AKR1D1: variants seen among roughly 807,000 people sequenced by gnomAD.
The protein encoded by AKR1D1 is delta(4)-3-ketosteroid 5-beta-reductase.
Under a neutral mutation model 42.6 loss-of-function variants are expected in AKR1D1, and 32 were observed. That is an observed-to-expected ratio of 0.75 (90% CI 0.57 to 1.01). AKR1D1 has a LOEUF of 1.01. AKR1D1 is among the 50% of genes least tolerant of loss of function. The probability of loss-of-function intolerance (pLI) is 0.00; values close to 1 mark genes in which losing one functional copy is unlikely to be tolerated. For missense variants in AKR1D1, 364 were observed against 402.2 expected (o/e 0.91, Z 0.81); for synonymous variants, 123 against 135.5 (o/e 0.91, Z 0.64).
chr7:138,079,960 G>A (rs1803018725), intron 1 of AKR1D1, among the ~76,000 whole-genome samples: 1 of 152,202 alleles, frequency 6.6e-6, no homozygotes, highest in African/African-American at 2.4e-5. Context: ...GTAAACAATA[G>A]GGCCTGCTGG....
chr7:138,091,698 A>C (rs1316043156), intron 2 of AKR1D1, 70 bp from the exon 3 acceptor site: 9 of 1,255,626 alleles, frequency 7.2e-6, no homozygotes, highest in African/African-American at 1.5e-5. Context: ...TGTTTTACAA[A>C]GAAAAAGGGG....
intron 1 of AKR1D1, among the ~76,000 whole-genome samples, chr7:138,080,139 T>C (rs1314837133): frequency 6.6e-6 from 1 of 152,230 alleles, no homozygotes; most frequent in Non-Finnish European, 1.5e-5. Context: ...AGGGCGCCTT[T>C]TGGGTACTGT....
chr7:138,117,654 C>T lies in AKR1D1; in HGVS notation c.*992C>T, dbSNP rs920947872. The T allele has an allele frequency of 6.6e-6, 1 of 152,124 alleles. No homozygotes were observed. The highest frequency in any genetic ancestry group is 2.4e-5 in the African/African-American group (1 of 41,420). The allele number at this position is 152,124 out of a possible 1,614,324, so 9.4% of individuals were successfully genotyped here. A position where few individuals can be genotyped will look rare whatever the true frequency, so the allele number is the denominator to read the frequency against. On this transcript the variant is annotated 3_prime_UTR_variant, in exon 9 of 9. Transcript: ENST00000242375. ...AACTCTGGTAATTTTCCTGTATGTA[C>T]AATTTAAAGAGTGAATAAGATTATT...
chr7:138,078,823 G>A (rs1051119057), intron 1 of AKR1D1, among the ~76,000 whole-genome samples: 2 of 152,154 alleles, frequency 1.3e-5, no homozygotes, highest in African/African-American at 4.8e-5. Flanking sequence ...CAAGTTTTCA[G>A]AATCTGAATG....
In AKR1D1 at chr7:138,091,851, T is replaced by C. The variant is rs146747335; in HGVS notation, c.345T>C (p.Asp115=). The C allele has an allele frequency of 1.5e-5, 24 of 1,613,862 alleles. No homozygotes were observed. The highest frequency in any genetic ancestry group is 1.9e-5 in the Non-Finnish European group (23 of 1,179,886). Residue 115 remains aspartate, a synonymous_variant, in exon 3 of 9, where the codon GAT becomes GAC. Transcript: ENST00000242375. ...TLRVLQLDYV[D]LYIIEVPMAF... is the part of the protein sequence containing the mutation. ...GGGTCCTCCAGCTAGATTATGTGGA[T>C]CTTTACATCATTGAAGTACCCATGG...
At chr7:138,106,827 C>T in intron 6 of AKR1D1, 110 bp downstream of exon 6, 2 of 803,440 alleles carry the variant, frequency 2.5e-6, no homozygotes, top group East Asian at 2.6e-5. Context: ...CTCTTCAAGT[C>T]ATTATCTGTA....
chr7:138,098,171 G>A, intron 4 of AKR1D1: 27 of 477,888 alleles, frequency 5.6e-5, no homozygotes, highest in South Asian at 1.5e-4. Context: ...AGAGAGGGGT[G>A]GAAGGAAAAA....
intron 8 of AKR1D1, among the ~76,000 whole-genome samples, chr7:138,114,256 C>G (rs954868036): frequency 1.3e-4 from 20 of 152,292 alleles, no homozygotes; most frequent in African/African-American, 4.8e-4. Flanking sequence ...TAGTTTCCAG[C>G]TCTACCTATT....
chr7:138,092,532 T>C (rs1794104388), intron 3 of AKR1D1, among the ~76,000 whole-genome samples: 1 of 152,218 alleles, frequency 6.6e-6, no homozygotes, highest in Non-Finnish European at 1.5e-5. Context: ...ACCGAGGTGG[T>C]AAGGTTTTAT....
Position 138,091,802 on chromosome 7 carries a change from G to A in AKR1D1, c.296G>A (p.Arg99His), listed in dbSNP as rs371530026. 43 of 1,613,776 alleles carry A rather than the reference G, an allele frequency of 2.7e-5. No individual in the cohort carries two copies. The highest frequency in any genetic ancestry group is 2.6e-4 in the South Asian group (24 of 91,052). Reference sequence around the variant, plus strand: ...ACAAATCATGTCCCAGAGATGGTCCGCCCAACCCTGGAGAGGACACTCAGG... The same window carrying A: ...ACAAATCATGTCCCAGAGATGGTCCACCCAACCCTGGAGAGGACACTCAGG... ...WATNHVPEMV[R>H]PTLERTLRVL... The change falls in exon 3 of 9, where the codon CGC becomes CAC. Residue 99 changes from arginine to histidine, a missense_variant. Physicochemically the swap from Arg to His is conservative, Grantham distance 29. Transcript: ENST00000242375.
At chr7:138,103,709 A>G (rs143256710) in intron 4 of AKR1D1, among the ~76,000 whole-genome samples, 1,992 of 152,274 alleles carry the variant, frequency 0.013, 47 homozygotes, top group African/African-American at 0.045. Context: ...AGACTTAAAA[A>G]TTAAAAGCAT....
In AKR1D1 at chr7:138,097,955, T is replaced by C; in HGVS notation, c.456+12T>C. On this transcript the variant is annotated intron_variant, in intron 4 of 8. Coordinates refer to ENST00000242375, the MANE Select transcript of AKR1D1 (RefSeq NM_005989.4). ...GTGCCACTTGGGAGGTAAGTTCAAA[T>C]GTGCTTCTTATTTTAAAAGACGATA... is the stretch of plus-strand genomic sequence containing the variant. 1.9e-6 allele frequency: 3 copies of C among 1,597,480 alleles called. No individual in the cohort carries two copies. Among genetic ancestry groups the C allele is most frequent in the South Asian group, 1.1e-5 (1 of 90,760 alleles).
intron 1 of AKR1D1, among the ~76,000 whole-genome samples, chr7:138,077,393 C>T (rs1802962406): frequency 6.6e-6 from 1 of 152,158 alleles, no homozygotes; most frequent in African/African-American, 2.4e-5. Context: ...GTCATGAGAA[C>T]TCACTCACTA....
At chr7:138,079,914 C>T (rs953810269) in intron 1 of AKR1D1, among the ~76,000 whole-genome samples, 2 of 152,192 alleles carry the variant, frequency 1.3e-5, no homozygotes, top group African/African-American at 4.8e-5. Context: ...CCTTGTAATT[C>T]TCCAACTGGG....
chr7:138,116,964 GACA>G lies in AKR1D1; in HGVS notation c.*307_*309del, dbSNP rs1794646463. 4 of 354,342 alleles carry G rather than the reference GACA, an allele frequency of 1.1e-5. No individual in the cohort carries two copies. Among genetic ancestry groups the G allele is most frequent in the East Asian group, 5.3e-5 (1 of 18,748 alleles). 21.9% of individuals were successfully genotyped at this position (354,342 alleles called of 1,614,324 possible). ...AGAAAAGACATCAAAGGCAACATAT[GACA>G]ACAAGTAATTTATGAATCTGGGTAG... On this transcript the variant is annotated 3_prime_UTR_variant, in exon 9 of 9. Transcript: ENST00000242375.
At chr7:138,116,469 G>T in intron 8 of AKR1D1, 151 bp from the exon 9 acceptor site, 1 of 914,568 alleles carries the variant, frequency 1.1e-6, no homozygotes. Flanking sequence ...TGGCTTGAGG[G>T]AAAACAGAAG....
intron 2 of AKR1D1, 57 bp from the exon 3 acceptor site, chr7:138,091,711 G>A: frequency 7.5e-7 from 1 of 1,328,062 alleles, no homozygotes; most frequent in Non-Finnish European, 1.1e-6. Flanking sequence ...AAAAGGGGCT[G>A]CCTTATCGTA....
At chr7:138,080,712 T>G (rs1218009753) in intron 1 of AKR1D1, among the ~76,000 whole-genome samples, 1 of 152,204 alleles carries the variant, frequency 6.6e-6, no homozygotes, top group Non-Finnish European at 1.5e-5. Context: ...ATACCACTCA[T>G]TTTGATAACA....
rs185009843 is a variant in AKR1D1, at chr7:138,097,977, G to A, written c.456+34G>A. 1.8e-5 allele frequency: 27 copies of A among 1,467,934 alleles called. No individual in the cohort carries two copies. The East Asian group carries it at 2.7e-4, about 15-fold the overall frequency. 90.9% of individuals were successfully genotyped at this position (1,467,934 alleles called of 1,614,324 possible). A position where few individuals can be genotyped will look rare whatever the true frequency, so the allele number is the denominator to read the frequency against. On this transcript the variant is annotated intron_variant, in intron 4 of 8. Coordinates refer to ENST00000242375, the MANE Select transcript of AKR1D1 (RefSeq NM_005989.4). ...AAATGTGCTTCTTATTTTAAAAGAC[G>A]ATATTTTTAAAACTGTGATCTGATT...
Sources: allele counts gnomAD v4.1 joint callset (sites outside exome capture counted in the v4.1 genomes callset), GRCh38; gene constraint gnomAD v4.1.1; transcripts MANE v1.5; gene names NCBI Gene and HGNC (gene_info 2026-07-23, HGNC 2026-07-21).